Variants in ART1 observed in about 807,000 individuals in gnomAD.
The protein encoded by ART1 is GPI-linked NAD(P)(+)--arginine ADP-ribosyltransferase 1.
Under a neutral mutation model 27.0 loss-of-function variants are expected in ART1, and 29 were observed. That is an observed-to-expected ratio of 1.08 (90% CI 0.80 to 1.47). The LOEUF (loss-of-function observed/expected upper bound fraction) is 1.47, where lower values mean the gene tolerates loss of function less well. ART1 is among the 40% of genes most tolerant of loss of function. The pLI, the probability that ART1 is intolerant of heterozygous loss-of-function variation, is 0.00. For missense variants in ART1, 480 were observed against 423.0 expected (o/e 1.13, Z -1.18); for synonymous variants, 201 against 172.2 (o/e 1.17, Z -1.31).
At position 3,660,111 on chromosome 11, in the gene ART1, G is replaced by C; in HGVS notation, c.592G>C (p.Gly198Arg). ...PAGPRATVRLGGFASASLKHV... is the reference protein window; with the variant it reads ...PAGPRATVRLRGFASASLKHV... ...AGGGCCCCGGGCCACCGTGAGGCTGGGGGGCTTTGCTTCTGCCTCCCTGAA... is the reference window on the plus strand; with the variant it reads ...AGGGCCCCGGGCCACCGTGAGGCTGCGGGGCTTTGCTTCTGCCTCCCTGAA... The change falls in exon 3 of 5, where the codon GGG (glycine) becomes CGG (arginine). Residue 198 changes from glycine to arginine, a missense_variant. Coordinates refer to ENST00000250693, the MANE Select transcript of ART1 (RefSeq NM_004314.3). The C allele has an allele frequency of 1.2e-6, 2 of 1,613,804 alleles. No homozygotes were observed. The highest frequency in any genetic ancestry group is 1.1e-5 in the South Asian group (1 of 91,076).
chr11:3,645,402 C>G (rs2077464138), intron 1 of ART1, among the ~76,000 whole-genome samples: 1 of 152,096 alleles, frequency 6.6e-6, no homozygotes, highest in South Asian at 2.1e-4. Context: ...CAGCAAGGGC[C>G]TGGATGAGAA....
In ART1 at chr11:3,659,805, T is replaced by C. The variant is rs2077602839; in HGVS notation, c.286T>C (p.Trp96Arg). The C allele has an allele frequency of 1.9e-6, 3 of 1,612,430 alleles. No homozygotes were observed. Among genetic ancestry groups the C allele is most frequent in the Non-Finnish European group, 2.5e-6 (3 of 1,179,558 alleles). The change falls in exon 3 of 5, where the codon TGG becomes CGG. Residue 96 changes from tryptophan (W) to arginine (R), a missense_variant. Physicochemically the swap from Trp to Arg is moderately radical, Grantham distance 101. Coordinates refer to ENST00000250693, the MANE Select transcript of ART1 (RefSeq NM_004314.3). ...GGAGCGTCAGGCCAGGTGGCCAGAGTGGAGTCTCAGCCCCACCCGTCCATC... is the reference window on the plus strand; with the variant it reads ...GGAGCGTCAGGCCAGGTGGCCAGAGCGGAGTCTCAGCCCCACCCGTCCATC... ...WQERQARWPE[W>R]SLSPTRPSPP...
chr11:3,655,098 C>T (rs769957085), intron 1 of ART1, among the ~76,000 whole-genome samples: 4 of 152,192 alleles, frequency 2.6e-5, no homozygotes, highest in Non-Finnish European at 5.9e-5. Context: ...GGTTGGGCAG[C>T]TCTGCTCAGG....
At chr11:3,646,652 C>A (rs2077471399) in intron 1 of ART1, among the ~76,000 whole-genome samples, 1 of 152,164 alleles carries the variant, frequency 6.6e-6, no homozygotes, top group Non-Finnish European at 1.5e-5. Flanking sequence ...CACCCTCTGC[C>A]TTTCAGCCTT....
At chr11:3,648,285 G>C (rs10767404) in intron 1 of ART1, among the ~76,000 whole-genome samples, 149,378 of 152,318 alleles carry the variant, frequency 0.98, 73,293 homozygotes, top group East Asian at 1. Context: ...GTTTGGTGGT[G>C]TCTTCACACG....
At chr11:3,652,704 C>G (rs1190934816) in intron 1 of ART1, among the ~76,000 whole-genome samples, 2 of 151,814 alleles carry the variant, frequency 1.3e-5, no homozygotes, top group African/African-American at 4.9e-5. Context: ...TACTCCTATT[C>G]ACCATTCTCA....
chr11:3,653,254 C>A (rs574984967), intron 1 of ART1, among the ~76,000 whole-genome samples: 3 of 148,640 alleles, frequency 2.0e-5, no homozygotes, highest in African/African-American at 5.2e-5. Flanking sequence ...CGAAGCTAAG[C>A]CATCATGTCC....
Position 3,645,155 on chromosome 11 carries a change from CT to C in ART1, c.-75del, listed in dbSNP as rs2077462844. On this transcript the variant is annotated 5_prime_UTR_variant, in exon 1 of 5. The change abolishes the stop of an existing upstream ORF in the 5' untranslated region. Coordinates refer to ENST00000250693, the MANE Select transcript of ART1 (RefSeq NM_004314.3). Reference sequence around the variant, plus strand: ...TGGCCATGGTGGAGATCAGCAGCAGCTTCCCCACCCAGGACAAGGCCTAGGT... The same window carrying C: ...TGGCCATGGTGGAGATCAGCAGCAGCTCCCCACCCAGGACAAGGCCTAGGT... The C allele has an allele frequency of 6.6e-6, 1 of 152,080 alleles. No homozygotes were observed. Among genetic ancestry groups the C allele is most frequent in the Admixed American group, 6.5e-5 (1 of 15,276 alleles). 9.4% of individuals were successfully genotyped at this position (152,080 alleles called of 1,614,324 possible).
chr11:3,660,028 G>C lies in ART1; in HGVS notation c.509G>C (p.Arg170Pro), dbSNP rs141732093. The change falls in exon 3 of 5, where the codon CGT (arginine) becomes CCT (proline). Residue 170 changes from arginine (R) to proline (P), a missense_variant. Coordinates refer to ENST00000250693, the MANE Select transcript of ART1 (RefSeq NM_004314.3). ...CTGCAGCTCCTGGGCAGCGGCCAGC[G>C]TCCACCCCGGTGCCACCAGGTGTTC... ...EALQLLGSGQ[R>P]PPRCHQVFRG... is the part of the protein sequence containing the mutation. 7.2e-4 allele frequency: 1,166 copies of C among 1,613,744 alleles called. No individual in the cohort carries two copies. Among genetic ancestry groups the C allele is most frequent in the Non-Finnish European group, 9.4e-4 (1,105 of 1,179,928 alleles).
intron 1 of ART1, among the ~76,000 whole-genome samples, chr11:3,649,277 G>C (rs998964980): frequency 3.3e-5 from 5 of 152,132 alleles, no homozygotes; most frequent in African/African-American, 4.8e-5. Flanking sequence ...CTTCTGCAAG[G>C]CTGCTTGACC....
chr11:3,647,983 T>TC (rs1307038485), intron 1 of ART1, among the ~76,000 whole-genome samples: 1 of 152,074 alleles, frequency 6.6e-6, no homozygotes, highest in African/African-American at 2.4e-5. Flanking sequence ...AGCCATCATA[T>TC]CCCCTGTGAC....
chr11:3,649,710 C>T (rs986262171), intron 1 of ART1, among the ~76,000 whole-genome samples: 1 of 152,184 alleles, frequency 6.6e-6, no homozygotes, highest in African/African-American at 2.4e-5. Flanking sequence ...CTAGCCCTCC[C>T]CAACCTGCCC....
chr11:3,647,977 A>T (rs1349891736), intron 1 of ART1, among the ~76,000 whole-genome samples: 2 of 152,158 alleles, frequency 1.3e-5, no homozygotes, highest in African/African-American at 4.8e-5. Context: ...AAGCTAAGCC[A>T]TCATATCCCC....
chr11:3,657,675 C>A (rs1184972121), intron 1 of ART1, among the ~76,000 whole-genome samples: 1 of 152,190 alleles, frequency 6.6e-6, no homozygotes, highest in Non-Finnish European at 1.5e-5. Flanking sequence ...GAATAAAGGG[C>A]ACTCTCATCC....
intron 1 of ART1, among the ~76,000 whole-genome samples, chr11:3,653,748 T>G (rs905180094): frequency 6.6e-6 from 1 of 152,048 alleles, no homozygotes; most frequent in African/African-American, 2.4e-5. Flanking sequence ...TCACGTCCCC[T>G]ATAGCCCATC....
At chr11:3,658,468 G>T (rs990404137) in intron 1 of ART1, among the ~76,000 whole-genome samples, 57 of 152,188 alleles carry the variant, frequency 3.7e-4, no homozygotes, top group Non-Finnish European at 7.2e-4. Context: ...GGTGTGGAAG[G>T]CTTGTGGTTC....
rs1430260966 is a variant in ART1 at position 3,664,323 on chromosome 11, C to T, written c.*134C>T. On this transcript the variant is annotated 3_prime_UTR_variant, in exon 5 of 5. Transcript: ENST00000250693. Reference sequence around the variant, plus strand: ...ACTCTGGGACCTTCTCTGGTAGCTGCCAGACCGGCTGGTGGAGAAACAGGA... The same window carrying T: ...ACTCTGGGACCTTCTCTGGTAGCTGTCAGACCGGCTGGTGGAGAAACAGGA... 11 of 819,104 alleles carry T rather than the reference C, an allele frequency of 1.3e-5. No homozygotes were observed. Among genetic ancestry groups the T allele is most frequent in the Admixed American group, 2.2e-5 (1 of 45,994 alleles). 50.7% of individuals were successfully genotyped at this position (819,104 alleles called of 1,614,324 possible). A position where few individuals can be genotyped will look rare whatever the true frequency, so the allele number is the denominator to read the frequency against.
intron 1 of ART1, among the ~76,000 whole-genome samples, chr11:3,655,340 A>T (rs1217209803): frequency 6.6e-6 from 1 of 152,158 alleles, no homozygotes; most frequent in Non-Finnish European, 1.5e-5. Context: ...CAGAGAAGAG[A>T]AAAGCAGCCA....
chr11:3,660,043 A>T lies in ART1; in HGVS notation c.524A>T (p.His175Leu), dbSNP rs750734969. The T allele has an allele frequency of 2.5e-6, 4 of 1,613,570 alleles. No homozygotes were observed. In the African/African-American group the frequency reaches 5.3e-5, roughly 22 times the overall value. ...LGSGQRPPRC[H>L]QVFRGVHGLR... ...AGCGGCCAGCGTCCACCCCGGTGCC[A>T]CCAGGTGTTCCGAGGTGTGCACGGC... Residue 175 changes from histidine (H) to leucine (L), a missense_variant, in exon 3 of 5, where the codon CAC becomes CTC. Coordinates refer to ENST00000250693, the MANE Select transcript of ART1 (RefSeq NM_004314.3).
Sources: allele counts gnomAD v4.1 joint callset (sites outside exome capture counted in the v4.1 genomes callset), GRCh38; gene constraint gnomAD v4.1.1; transcripts MANE v1.5; gene names NCBI Gene and HGNC (gene_info 2026-07-23, HGNC 2026-07-21).